Variants in EPN2 observed in about 807,000 individuals in gnomAD.
EPN2 encodes epsin 2, also known as epsin-2.
EPN2 carries 34 observed loss-of-function variants against 61.7 expected under a neutral mutation model. The observed-to-expected ratio is 0.55, with a 90% CI of 0.42 to 0.73. The LOEUF is 0.73. Ranked by LOEUF, EPN2 falls within the 30% of genes least tolerant of loss-of-function variation. The pLI, the probability that EPN2 is intolerant of heterozygous loss-of-function variation, is 0.00. For missense variants in EPN2, 714 were observed against 839.2 expected (o/e 0.85, Z 1.84); for synonymous variants, 349 against 353.6 (o/e 0.99, Z 0.15).
intron 7 of EPN2, among the ~76,000 whole-genome samples, chr17:19,316,845 A>G (rs2152234266): frequency 6.6e-6 from 1 of 152,222 alleles, no homozygotes; most frequent in East Asian, 1.9e-4. Flanking sequence ...AATCACAGTG[A>G]TTTCTTTTAA....
chr17:19,267,983 G>C (rs1352723293), intron 1 of EPN2, among the ~76,000 whole-genome samples: 1 of 152,254 alleles, frequency 6.6e-6, no homozygotes, highest in South Asian at 2.1e-4. Context: ...AATTTGGCAA[G>C]TGCAGATTTC....
rs557837588 is a variant in EPN2 at position 19,283,161 on chromosome 17, G to C, written c.42G>C (p.Val14=). The C allele has an allele frequency of 5.6e-6, 9 of 1,612,896 alleles. No individual in the cohort carries two copies. The highest frequency in any genetic ancestry group is 7.6e-6 in the Non-Finnish European group (9 of 1,179,582). The part of the protein sequence containing the change: ...SSIRRQMKNI[V]NNYSEAEIKV... Reference sequence around the variant, plus strand: ...TCAGACGGCAGATGAAAAACATCGTGAACAATTACTCAGAGGCAGAAATCA... The same window carrying C: ...TCAGACGGCAGATGAAAAACATCGTCAACAATTACTCAGAGGCAGAAATCA... The change falls in exon 3 of 11, where the codon GTG becomes GTC. Residue 14 remains valine (V), a synonymous_variant. Transcript: ENST00000314728. This position sits in a 1 kb window ranked among gnomAD's most constrained non-coding sequence, Gnocchi z 7.0.
intron 4 of EPN2, among the ~76,000 whole-genome samples, chr17:19,290,468 C>G (rs910419442): frequency 3.3e-5 from 5 of 152,152 alleles, no homozygotes; most frequent in African/African-American, 1.2e-4. Flanking sequence ...AAGATTGCTG[C>G]TGTCCTCTCA....
At chr17:19,327,572 C>T (rs574886721) in intron 7 of EPN2, among the ~76,000 whole-genome samples, 36 of 152,030 alleles carry the variant, frequency 2.4e-4, no homozygotes, top group Non-Finnish European at 4.1e-4. Context: ...ACTTGGGAGG[C>T]GGCGGTGGGA....
At chr17:19,278,038 C>T (rs1351669688) in intron 1 of EPN2, among the ~76,000 whole-genome samples, 5 of 144,760 alleles carry the variant, frequency 3.5e-5, no homozygotes, top group Non-Finnish European at 7.4e-5. Flanking sequence ...CACACCACTG[C>T]ACCAGCCTGG....
chr17:19,261,248 G>C (rs1347630876), intron 1 of EPN2, among the ~76,000 whole-genome samples: 1 of 152,174 alleles, frequency 6.6e-6, no homozygotes, highest in Non-Finnish European at 1.5e-5. Flanking sequence ...CCACTGACTC[G>C]TCAACACAAG....
chr17:19,262,432 C>A (rs1000193265), intron 1 of EPN2, among the ~76,000 whole-genome samples: 3 of 150,746 alleles, frequency 2.0e-5, no homozygotes, highest in Non-Finnish European at 4.4e-5. Flanking sequence ...GAGCCGAGAT[C>A]ACACCACTGC....
chr17:19,308,720 A>C, intron 4 of EPN2: 6 of 974,544 alleles, frequency 6.2e-6, no homozygotes, highest in Non-Finnish European at 7.3e-6. Flanking sequence ...TTGTTCTGAG[A>C]GTTTTAGAGA....
chr17:19,274,444 G>C (rs1419270346), intron 1 of EPN2: 1 of 152,212 alleles, frequency 6.6e-6, no homozygotes, highest in East Asian at 1.9e-4. Flanking sequence ...AAGATGTTCA[G>C]GTCAATTAAT....
chr17:19,256,172 C>T (rs577281197), intron 1 of EPN2, among the ~76,000 whole-genome samples: 5 of 152,048 alleles, frequency 3.3e-5, no homozygotes, highest in African/African-American at 7.2e-5. Context: ...CTCCTGACCT[C>T]GTGATTTGCC....
chr17:19,261,243 G>A (rs2045138664), intron 1 of EPN2, among the ~76,000 whole-genome samples: 1 of 152,198 alleles, frequency 6.6e-6, no homozygotes, highest in South Asian at 2.1e-4. Context: ...ATTCCCCACT[G>A]ACTCGTCAAC....
Position 19,258,736 on chromosome 17 carries a change from G to A in EPN2, c.-294+21205G>A, listed in dbSNP as rs1007550830. Among the ~76,000 whole-genome samples, 32 of 152,238 alleles carry A rather than the reference G, an allele frequency of 2.1e-4. 1 individual carries two copies. Among genetic ancestry groups the A allele is most frequent in the Admixed American group, 6.5e-5 (1 of 15,296 alleles). ...GGCGTCGATGCTGCGTGTGGACAGC[G>A]CGGTTTGTGAGACCCTGTGAGCAGG... is the stretch of plus-strand genomic sequence containing the variant. On this transcript the variant is annotated intron_variant, in intron 1 of 10. Transcript: ENST00000314728.
intron 1 of EPN2, chr17:19,276,436 T>C (rs1312567079): frequency 7.3e-6 from 1 of 136,626 alleles, no homozygotes; most frequent in East Asian, 2.2e-4. Context: ...GGTCTTGAAC[T>C]CCTGGGCTCA....
intron 1 of EPN2, among the ~76,000 whole-genome samples, chr17:19,269,362 C>T (rs1597983201): frequency 6.6e-6 from 1 of 152,206 alleles, no homozygotes; most frequent in South Asian, 2.1e-4. Context: ...TACCTTTCAA[C>T]ATGAAGAGAC....
chr17:19,270,499 T>C (rs1034603443), intron 1 of EPN2, among the ~76,000 whole-genome samples: 3 of 152,164 alleles, frequency 2.0e-5, no homozygotes, highest in Admixed American at 1.3e-4. Flanking sequence ...GAGCTGTCCT[T>C]AGGAACCTGC....
intron 1 of EPN2, among the ~76,000 whole-genome samples, chr17:19,260,728 C>G (rs1357952925): frequency 1.3e-5 from 2 of 151,892 alleles, no homozygotes; most frequent in East Asian, 3.9e-4. Context: ...GCCCCTCACT[C>G]CTGATCTCAT....
intron 1 of EPN2, among the ~76,000 whole-genome samples, chr17:19,246,866 C>T (rs1421952743): frequency 1.4e-5 from 2 of 146,152 alleles, no homozygotes; most frequent in Middle Eastern, 3.4e-3. Flanking sequence ...CCCCCGGGTT[C>T]ACGCCATTCT....
intron 1 of EPN2, among the ~76,000 whole-genome samples, chr17:19,250,749 A>AG (rs1491460400): frequency 9.2e-5 from 14 of 152,222 alleles, no homozygotes; most frequent in Non-Finnish European, 1.5e-4. Context: ...CTGGGGACAC[A>AG]GGGGCTTACA....
At chr17:19,306,766 G>A (rs943644186) in intron 4 of EPN2, among the ~76,000 whole-genome samples, 1 of 152,208 alleles carries the variant, frequency 6.6e-6, no homozygotes, top group Non-Finnish European at 1.5e-5. Flanking sequence ...CCAGGATGGG[G>A]CTTGTTTTCC....
Sources: allele counts gnomAD v4.1 joint callset (sites outside exome capture counted in the v4.1 genomes callset), GRCh38; gene constraint gnomAD v4.1.1; non-coding constraint Gnocchi (gnomAD v3.1); transcripts MANE v1.5; gene names NCBI Gene and HGNC (gene_info 2026-07-23, HGNC 2026-07-21).